Variants in VWF observed in about 807,000 individuals in gnomAD.
VWF encodes Factor VIII related antigen.
A neutral mutation model predicts 308.6 loss-of-function variants in VWF; 176 were observed. The observed-to-expected ratio is 0.57, with a 90% CI of 0.50 to 0.65. VWF has a LOEUF of 0.65. Among genes scored for constraint, VWF ranks in the 30% least tolerant of loss-of-function variants. The pLI is 0.00. For missense variants in VWF, 3,146 were observed against 3,648.2 expected, an observed-to-expected ratio of 0.86 and a Z score of 3.55; for synonymous variants, 1,385 against 1,443.4, an observed-to-expected ratio of 0.96 and a Z score of 0.92.
At position 5,996,030 on chromosome 12, in the gene VWF, A is replaced by G. The variant is rs776829848; in HGVS notation, c.6035T>C (p.Leu2012Pro). The change falls in exon 35 of 52, where the codon CTC becomes CCC. Residue 2012 changes from leucine (L) to proline (P), a missense_variant. Coordinates refer to ENST00000261405, the MANE Select transcript of VWF (RefSeq NM_000552.5). Reference sequence around the variant, plus strand: ...CATGTCACTGTGCAGCTCGACGGAGAGGGCACTGTGCTTCACCTCGATGGA... The same window carrying G: ...CATGTCACTGTGCAGCTCGACGGAGGGGGCACTGTGCTTCACCTCGATGGA... ...MKSIEVKHSA[L>P]SVELHSDMEV... 2.5e-6 allele frequency: 4 copies of G among 1,613,316 alleles called. No individual in the cohort carries two copies. The highest frequency in any genetic ancestry group is 1.7e-5 in the Admixed American group (1 of 60,016).
chr12:6,037,617 A>G (rs999382655), intron 18 of VWF, among the ~76,000 whole-genome samples: 1 of 152,316 alleles, frequency 6.6e-6, no homozygotes, highest in African/African-American at 2.4e-5. Flanking sequence ...CCCGACTCCA[A>G]GGGGCAGCCC....
chr12:6,048,142 G>A (rs921961968), intron 16 of VWF, among the ~76,000 whole-genome samples: 2 of 152,146 alleles, frequency 1.3e-5, no homozygotes, highest in Non-Finnish European at 2.9e-5. Flanking sequence ...GCATTTCTCA[G>A]ACTGTAATAA....
intron 13 of VWF, among the ~76,000 whole-genome samples, chr12:6,059,364 G>C (rs1208591073): frequency 6.6e-6 from 1 of 152,188 alleles, no homozygotes; most frequent in African/African-American, 2.4e-5. Flanking sequence ...AGCTAAATGA[G>C]GCAAGGATTT....
chr12:5,978,698 T>C (rs1943559625), intron 42 of VWF, among the ~76,000 whole-genome samples: 1 of 152,222 alleles, frequency 6.6e-6, no homozygotes, highest in Non-Finnish European at 1.5e-5. Context: ...GAAATACCAC[T>C]ACAAATTTAC....
At chr12:6,067,883 C>G (rs1389390662) in intron 10 of VWF, among the ~76,000 whole-genome samples, 1 of 152,066 alleles carries the variant, frequency 6.6e-6, no homozygotes, top group Non-Finnish European at 1.5e-5. Context: ...CCTATAATCC[C>G]AGCACTTTGG....
At position 5,953,535 on chromosome 12, in the gene VWF, G is replaced by A. The variant is rs748907832; in HGVS notation, c.7947C>T (p.Cys2649=). 1 of 1,614,172 alleles carries A rather than the reference G, an allele frequency of 6.2e-7. No homozygotes were observed. The highest frequency in any genetic ancestry group is 1.1e-5 in the South Asian group (1 of 91,084). ...ECCGRCLPTA[C]TIQLRGGQIM... ...TCTGTCCTCCTCTTAGCTGAATGGTGCAAGCCGTAGGCAAACATCTCCCAC... is the reference window on the plus strand; with the variant it reads ...TCTGTCCTCCTCTTAGCTGAATGGTACAAGCCGTAGGCAAACATCTCCCAC... Residue 2649 remains cysteine, a synonymous_variant, in exon 48 of 52, where the codon TGC becomes TGT. Coordinates refer to ENST00000261405, the MANE Select transcript of VWF (RefSeq NM_000552.5).
At chr12:6,067,469 G>A (rs1036093446) in intron 10 of VWF, among the ~76,000 whole-genome samples, 4 of 152,288 alleles carry the variant, frequency 2.6e-5, no homozygotes, top group African/African-American at 9.6e-5. Flanking sequence ...GCATCTAATC[G>A]TCTCATCTGA....
In VWF at chr12:6,019,088, C is replaced by T. The variant is rs1343307373; in HGVS notation, c.4330G>A (p.Asp1444Asn). The T allele has an allele frequency of 2.5e-6, 4 of 1,613,792 alleles. No individual in the cohort carries two copies. Among genetic ancestry groups the T allele is most frequent in the Middle Eastern group, 3.3e-4 (2 of 6,078 alleles). ...TCGTCCCTTTGCTGCTCCAGCTCAT[C>T]CACACTGCTCAGCACGAAGGCCTTG... ...ENKAFVLSSV[D>N]ELEQQRDEIV... The change falls in exon 28 of 52, where the codon GAT becomes AAT. Residue 1444 changes from aspartate to asparagine, a missense_variant. By Grantham distance (23) the Asp-to-Asn change is conservative (BLOSUM62 1). This residue lies in a region of VWF where 853 missense variants were observed against 1,177.8 expected (regional missense o/e 0.72). Coordinates refer to ENST00000261405, the MANE Select transcript of VWF (RefSeq NM_000552.5). This position sits in a 1 kb window ranked among gnomAD's most constrained non-coding sequence, Gnocchi z 5.8.
rs1174090405 is a variant in VWF, at chr12:5,951,748, T to C, written c.8155+96A>G. ...TAAAGCTTACTCCAAAGAACAGTCA[T>C]GCGGCTTGCTAATGGGTTTCAAGGA... On this transcript the variant is annotated intron_variant, in intron 50 of 51. Coordinates refer to ENST00000261405, the MANE Select transcript of VWF (RefSeq NM_000552.5). 7 of 1,315,322 alleles carry C rather than the reference T, an allele frequency of 5.3e-6. No individual in the cohort carries two copies. The African/African-American group carries it at 1.0e-4, about 19-fold the overall frequency. 81.5% of individuals were successfully genotyped at this position (1,315,322 alleles called of 1,614,324 possible).
chr12:6,049,445 T>C (rs1406410550), intron 16 of VWF, among the ~76,000 whole-genome samples: 1 of 152,140 alleles, frequency 6.6e-6, no homozygotes, highest in Non-Finnish European at 1.5e-5. Context: ...CCTTCTCTGT[T>C]TTAGTGAAAT....
At chr12:5,973,722 C>T (rs962011244) in intron 43 of VWF, among the ~76,000 whole-genome samples, 2 of 152,214 alleles carry the variant, frequency 1.3e-5, no homozygotes, top group African/African-American at 2.4e-5. Flanking sequence ...TCTTCTTCTT[C>T]CTGAGGAGTA....
rs1297757585 is a variant in VWF at position 6,075,483 on chromosome 12, G to T, written c.726C>A (p.Asp242Glu). Residue 242 changes from aspartate (D) to glutamate (E), a missense_variant, in exon 7 of 52, where the codon GAC becomes GAA. Around this residue, in one of 3 missense-constraint regions of VWF, gnomAD observed 1,304 missense variants for 1,353.0 expected, o/e 0.96. Coordinates refer to ENST00000261405, the MANE Select transcript of VWF (RefSeq NM_000552.5). This position sits in a 1 kb window ranked among gnomAD's most constrained non-coding sequence, Gnocchi z 4.7. Reference sequence around the variant, plus strand: ...CACACAGGGCCACAAAAGGCTCGGGGTCCACCAGAGGGTGGCAGCGGGCAA... The same window carrying T: ...CACACAGGGCCACAAAAGGCTCGGGTTCCACCAGAGGGTGGCAGCGGGCAA... ...SVFARCHPLVDPEPFVALCEK... is the reference protein window; with the variant it reads ...SVFARCHPLVEPEPFVALCEK... 5.0e-6 allele frequency: 8 copies of T among 1,614,120 alleles called. No homozygotes were observed. The highest frequency in any genetic ancestry group is 4.0e-5 in the African/African-American group (3 of 74,932).
chr12:6,020,543 A>G lies in VWF; in HGVS notation c.3675-800T>C, dbSNP rs1354284408. On this transcript the variant is annotated intron_variant, in intron 27 of 51. Coordinates refer to ENST00000261405, the MANE Select transcript of VWF (RefSeq NM_000552.5). The surrounding 1 kb of genome is among the most constrained non-coding windows in gnomAD (Gnocchi z 4.3). Reference sequence around the variant, plus strand: ...CCCACACACAAATTCCTACACTACCATGCCAAATTTCCAGGCTCTGCTGGT... The same window carrying G: ...CCCACACACAAATTCCTACACTACCGTGCCAAATTTCCAGGCTCTGCTGGT... Among the ~76,000 whole-genome samples, 1 of 152,248 alleles carries G rather than the reference A, an allele frequency of 6.6e-6. No individual in the cohort carries two copies. Among genetic ancestry groups the G allele is most frequent in the Non-Finnish European group, 1.5e-5 (1 of 68,050 alleles).
In VWF at chr12:5,982,025, G is replaced by A. The variant is rs114987940; in HGVS notation, c.7082-34C>T. 2.5e-4 allele frequency: 407 copies of A among 1,598,352 alleles called. 2 individuals carry two copies. The African/African-American group carries it at 4.5e-3, about 18-fold the overall frequency. On this transcript the variant is annotated intron_variant, in intron 41 of 51. Transcript: ENST00000261405. ...AGGACAAGGCCACACTGAGCACTGC[G>A]CCCAGCCAGGGCTCGTAAGTATTCA... is the stretch of plus-strand genomic sequence containing the variant.
intron 47 of VWF, chr12:5,953,821 A>G (rs1591828972): frequency 3.6e-6 from 2 of 549,672 alleles, no homozygotes; most frequent in East Asian, 6.2e-5. Flanking sequence ...AGCCAGTCCT[A>G]TTAAATGAGA....
In VWF at chr12:6,066,295, C is replaced by A. The variant is rs577327643; in HGVS notation, c.1157-1022G>T. On this transcript the variant is annotated intron_variant, in intron 10 of 51. Transcript: ENST00000261405. ...GCTTGAGGCAATCCCATCTTCAGGG[C>A]CAAACATGGACCCATCAAAGCTGAA... Among the ~76,000 whole-genome samples, 4 of 152,352 alleles carry A rather than the reference C, an allele frequency of 2.6e-5. No homozygotes were observed. The South Asian group carries it at 8.3e-4, about 32-fold the overall frequency.
At chr12:5,962,584 C>A (rs940300086) in intron 47 of VWF, among the ~76,000 whole-genome samples, 1 of 128,880 alleles carries the variant, frequency 7.8e-6, no homozygotes, top group African/African-American at 3.1e-5. Context: ...CGCTCTGTCA[C>A]CAGGCTGGAG....
intron 5 of VWF, among the ~76,000 whole-genome samples, chr12:6,108,391 T>C (rs968914771): frequency 7.5e-6 from 1 of 132,886 alleles, no homozygotes; most frequent in Non-Finnish European, 1.7e-5. Flanking sequence ...CAGAATTACA[T>C]GAAGAAAGTG....
In VWF at chr12:6,046,821, C is replaced by T. The variant is rs1440799984; in HGVS notation, c.2187-4G>A. The T allele has an allele frequency of 6.2e-7, 1 of 1,613,718 alleles. No homozygotes were observed. Among genetic ancestry groups the T allele is most frequent in the South Asian group, 1.1e-5 (1 of 91,076 alleles). ...CATGAAGCCATCCTCACAGTAGCTG[C>T]AGAGAAGAAAATCATAGCCGAGCTT... On this transcript the variant is annotated splice_region_variant and splice_polypyrimidine_tract_variant and intron_variant, in intron 16 of 51. Coordinates refer to ENST00000261405, the MANE Select transcript of VWF (RefSeq NM_000552.5). This position sits in a 1 kb window ranked among gnomAD's most constrained non-coding sequence, Gnocchi z 5.0.
Sources: gnomAD v4.1 joint callset for allele counts (sites outside exome capture counted in the v4.1 genomes callset) on GRCh38, gnomAD v4.1.1 for gene constraint, gnomAD v4.1.1 regional missense constraint, Gnocchi (gnomAD v3.1) non-coding constraint, MANE v1.5 for transcripts, NCBI Gene and HGNC (gene_info 2026-07-23, HGNC 2026-07-21) for gene names.